PARD3: variants seen among roughly 807,000 people sequenced by gnomAD.
PARD3 encodes the protein partitioning defective 3 homolog.
Under a neutral mutation model 155.4 loss-of-function variants are expected in PARD3, and 75 were observed. The ratio of observed to expected loss-of-function variants is 0.48; its 90% CI spans 0.40 to 0.58. PARD3 has a LOEUF of 0.58. Among genes scored for constraint, PARD3 ranks in the 20% least tolerant of loss-of-function variants. The pLI, the probability that PARD3 is intolerant of heterozygous loss-of-function variation, is 0.00. For synonymous variants in PARD3, 576 were observed against 610.5 expected (o/e 0.94, Z 0.83); for missense variants, 1,642 against 1,721.7 (o/e 0.95, Z 0.82).
At chr10:34,722,222 A>G (rs969998433) in intron 1 of PARD3, among the ~76,000 whole-genome samples, 2 of 151,824 alleles carry the variant, frequency 1.3e-5, no homozygotes, top group Non-Finnish European at 2.9e-5. Flanking sequence ...ATATATTTAT[A>G]TATTTTTATA....
At chr10:34,152,136 GCTT>G (rs1948809566) in intron 22 of PARD3, among the ~76,000 whole-genome samples, 1 of 152,034 alleles carries the variant, frequency 6.6e-6, no homozygotes, top group Admixed American at 6.6e-5. Flanking sequence ...GACCCAATGT[GCTT>G]CTTATGTGAT....
intron 1 of PARD3, among the ~76,000 whole-genome samples, chr10:34,754,859 G>C (rs1240209602): frequency 6.6e-6 from 1 of 152,160 alleles, no homozygotes; most frequent in Non-Finnish European, 1.5e-5. Context: ...ATAACAGAAA[G>C]AGACACTTCA....
intron 3 of PARD3, among the ~76,000 whole-genome samples, chr10:34,476,367 T>A (rs1180480659): frequency 6.6e-6 from 1 of 152,210 alleles, no homozygotes. Flanking sequence ...AAGTGATCTC[T>A]ACATTTTTGC....
In PARD3 at chr10:34,372,540, G is replaced by C; in HGVS notation, c.1669-4C>G. 6.2e-7 allele frequency: 1 copy of C among 1,601,384 alleles called. No individual in the cohort carries two copies. The highest frequency in any genetic ancestry group is 8.6e-7 in the Non-Finnish European group (1 of 1,168,762). ...GCATCTGGCTTGGCTCTGCATTCTA[G>C]AAGAATTGAAGAAAAACATAAATAC... On this transcript the variant is annotated splice_region_variant and splice_polypyrimidine_tract_variant and intron_variant, in intron 11 of 24. Transcript: ENST00000374788.
intron 2 of PARD3, among the ~76,000 whole-genome samples, chr10:34,655,521 G>T (rs561200637): frequency 6.6e-6 from 1 of 152,198 alleles, no homozygotes; most frequent in East Asian, 1.9e-4. Flanking sequence ...ACCAGCACAC[G>T]ATTCATACTC....
At chr10:34,129,698 C>CT (rs1346445542) in intron 23 of PARD3, among the ~76,000 whole-genome samples, 1 of 59,714 alleles carries the variant, frequency 1.7e-5, no homozygotes, top group African/African-American at 5.5e-5. Flanking sequence ...AATGTCAAGC[C>CT]TCTTTTTTTT....
At chr10:34,402,828 A>C (rs1164900277) in intron 5 of PARD3, among the ~76,000 whole-genome samples, 1 of 152,196 alleles carries the variant, frequency 6.6e-6, no homozygotes, top group East Asian at 1.9e-4. Flanking sequence ...ATGTGGAATA[A>C]ACGTGGTAGT....
At chr10:34,778,079 C>G (rs9971279) in intron 1 of PARD3, among the ~76,000 whole-genome samples, 2,753 of 152,256 alleles carry the variant, frequency 0.018, 67 homozygotes, top group African/African-American at 0.062. Flanking sequence ...ATACCAAAAT[C>G]CAAGGATGCT....
intron 22 of PARD3, among the ~76,000 whole-genome samples, chr10:34,228,711 T>A (rs922024002): frequency 6.6e-6 from 1 of 152,018 alleles, no homozygotes; most frequent in African/African-American, 2.4e-5. Flanking sequence ...GAGGAAGATA[T>A]GGGATTTTAA....
chr10:34,346,431 T>C, intron 15 of PARD3: 1 of 1,348,272 alleles, frequency 7.4e-7, no homozygotes, highest in Non-Finnish European at 9.9e-7. Context: ...TCTGATTCAG[T>C]ATGGCAAGTC....
intron 20 of PARD3, among the ~76,000 whole-genome samples, chr10:34,295,870 A>G (rs1251518612): frequency 6.6e-6 from 1 of 152,226 alleles, no homozygotes; most frequent in African/African-American, 2.4e-5. Flanking sequence ...AACTTAGTGA[A>G]CAACATGAGC....
At chr10:34,522,193 G>C (rs1182335055) in intron 2 of PARD3, among the ~76,000 whole-genome samples, 1 of 152,148 alleles carries the variant, frequency 6.6e-6, no homozygotes, top group Non-Finnish European at 1.5e-5. Context: ...GCCACGCCTG[G>C]CTGCGGCCAG....
chr10:34,252,450 C>T (rs1261709866), intron 22 of PARD3, among the ~76,000 whole-genome samples: 1 of 152,134 alleles, frequency 6.6e-6, no homozygotes, highest in East Asian at 1.9e-4. Context: ...CAAACTTAAC[C>T]CTGATGGCCA....
rs574707830 is a variant in PARD3 at position 34,656,804 on chromosome 10, C to T, written c.222+39514G>A. On this transcript the variant is annotated intron_variant, in intron 2 of 24. Transcript: ENST00000374788. ...AGGAGAAGTCAGAAACCGACAGGGG[C>T]AACTCCCTGCTGTCCTCACTGCTAT... Among the ~76,000 whole-genome samples the T allele has an allele frequency of 4.6e-5, 7 of 152,314 alleles. No individual in the cohort carries two copies. The South Asian group carries it at 1.5e-3, about 32-fold the overall frequency.
intron 2 of PARD3, among the ~76,000 whole-genome samples, chr10:34,660,750 T>C (rs1240661255): frequency 6.6e-6 from 1 of 152,056 alleles, no homozygotes; most frequent in Non-Finnish European, 1.5e-5. Flanking sequence ...AACACCAGAT[T>C]CCATCAGTAC....
At chr10:34,158,355 A>G (rs1272145012) in intron 22 of PARD3, among the ~76,000 whole-genome samples, 1 of 152,142 alleles carries the variant, frequency 6.6e-6, no homozygotes, top group African/African-American at 2.4e-5. Context: ...ATCTCTTTCC[A>G]TTTCTTCTCT....
intron 2 of PARD3, among the ~76,000 whole-genome samples, chr10:34,560,531 G>GT (rs1309792291): frequency 2.6e-5 from 4 of 152,254 alleles, no homozygotes; most frequent in Admixed American, 2.0e-4. Flanking sequence ...AAACACATTT[G>GT]TTTTTTGGTT....
At chr10:34,569,865 T>G (rs973534034) in intron 2 of PARD3, among the ~76,000 whole-genome samples, 47 of 149,418 alleles carry the variant, frequency 3.1e-4, no homozygotes, top group African/African-American at 1.1e-3. Flanking sequence ...AAATGACCAT[T>G]AGTTATGCAA....
intron 5 of PARD3, among the ~76,000 whole-genome samples, chr10:34,441,529 A>G (rs2076460419): frequency 6.6e-6 from 1 of 152,182 alleles, no homozygotes; most frequent in Non-Finnish European, 1.5e-5. Flanking sequence ...TCCCAGATTC[A>G]CTATGTCTTT....
Sources: gnomAD v4.1 joint callset for allele counts (sites outside exome capture counted in the v4.1 genomes callset) on GRCh38, gnomAD v4.1.1 for gene constraint, MANE v1.5 for transcripts, NCBI Gene and HGNC (gene_info 2026-07-23, HGNC 2026-07-21) for gene names.